Variants in SLC22A31 observed in about 807,000 individuals in gnomAD.
SLC22A31 encodes the protein solute carrier family 22 member 31.
A neutral mutation model predicts 27.4 loss-of-function variants in SLC22A31; 42 were observed. The observed-to-expected ratio is 1.53, with a 90% confidence interval of 1.20 to 1.98. The LOEUF (loss-of-function observed/expected upper bound fraction) is 1.98, where lower values mean the gene tolerates loss of function less well. Ranked by LOEUF, SLC22A31 falls within the 30% of genes most tolerant of loss-of-function variation. SLC22A31 has a pLI of 0.00. For synonymous variants in SLC22A31, 290 were observed against 230.8 expected, an observed-to-expected ratio of 1.26 and a Z score of -2.33; for missense variants, 593 against 479.9, an observed-to-expected ratio of 1.24 and a Z score of -2.20.
chr16:89,199,209 G>C lies in SLC22A31; in HGVS notation c.284-18C>G. The C allele has an allele frequency of 1.3e-6, 2 of 1,512,582 alleles. No homozygotes were observed. The highest frequency in any genetic ancestry group is 2.5e-5 in the East Asian group (1 of 40,660). The allele number at this position is 1,512,582 out of a possible 1,614,324, so 93.7% of individuals were successfully genotyped here. On this transcript the variant is annotated intron_variant, in intron 3 of 8. Coordinates refer to ENST00000682282, the MANE Select transcript of SLC22A31 (RefSeq NM_001384763.1). ...CTCCAGGCCTGGGCAGACACAGACA[G>C]GTTGAAGTGGAGGCCTCGGGGAGGA... is the stretch of plus-strand genomic sequence containing the variant.
At chr16:89,196,494 G>T in intron 8 of SLC22A31, 189 bp from the exon 9 acceptor site, 9 of 1,081,388 alleles carry the variant, frequency 8.3e-6, no homozygotes, top group Non-Finnish European at 1.2e-5. Flanking sequence ...GTTGGGGGCA[G>T]CTGGTGGGGC....
At position 89,196,004 on chromosome 16, in the gene SLC22A31, G is replaced by A. The variant is rs1406236373; in HGVS notation, c.1336C>T (p.His446Tyr). The A allele has an allele frequency of 9.3e-6, 14 of 1,503,760 alleles. No individual in the cohort carries two copies. The highest frequency in any genetic ancestry group is 1.2e-5 in the Non-Finnish European group (14 of 1,131,066). 93.2% of individuals were successfully genotyped at this position (1,503,760 alleles called of 1,614,324 possible). The change falls in exon 9 of 9, where the codon CAC (histidine) becomes TAC (tyrosine). Residue 446 changes from histidine to tyrosine, a missense_variant. By Grantham distance (83) the His-to-Tyr change is moderately conservative. Coordinates refer to ENST00000682282, the MANE Select transcript of SLC22A31 (RefSeq NM_001384763.1). Reference protein sequence around the residue: ...SYWAGHTPEQH With the variant: ...SYWAGHTPEQY ...CCCAGGGCCACCAGGCAGGACTAGTGCTGCTCGGGGGTGTGGCCGGCCCAG... is the reference window on the plus strand; with the variant it reads ...CCCAGGGCCACCAGGCAGGACTAGTACTGCTCGGGGGTGTGGCCGGCCCAG...
Position 89,198,563 on chromosome 16 carries a change from A to C in SLC22A31, c.599-13T>G, listed in dbSNP as rs1266200019. ...AGCATGGTCAGCTCTGTAGCCGCAGAGATGTGAGGGGAGGGGGGTGAGGAG... is the reference window on the plus strand; with the variant it reads ...AGCATGGTCAGCTCTGTAGCCGCAGCGATGTGAGGGGAGGGGGGTGAGGAG... On this transcript the variant is annotated splice_polypyrimidine_tract_variant and intron_variant, in intron 5 of 8. Coordinates refer to ENST00000682282, the MANE Select transcript of SLC22A31 (RefSeq NM_001384763.1). 6.6e-7 allele frequency: 1 copy of C among 1,509,600 alleles called. No individual in the cohort carries two copies. The highest frequency in any genetic ancestry group is 1.4e-5 in the African/African-American group (1 of 72,520). The allele number at this position is 1,509,600 out of a possible 1,614,324, so 93.5% of individuals were successfully genotyped here.
intron 8 of SLC22A31, 150 bp from the exon 9 acceptor site, chr16:89,196,455 C>T (rs1412235640): frequency 8.0e-7 from 1 of 1,246,096 alleles, no homozygotes; most frequent in African/African-American, 1.5e-5. Context: ...GCACCAGGCC[C>T]AGGCCGGCCC....
intron 1 of SLC22A31, chr16:89,200,064 C>G: frequency 2.7e-6 from 1 of 368,510 alleles, no homozygotes; most frequent in Non-Finnish European, 4.8e-6. Context: ...TCTGCTTGTC[C>G]CTAGATAGGG....
intron 8 of SLC22A31, among the ~76,000 whole-genome samples, chr16:89,196,653 A>G (rs1198429132): frequency 6.6e-6 from 1 of 152,200 alleles, no homozygotes; most frequent in Non-Finnish European, 1.5e-5. Flanking sequence ...TGCTCTGTTC[A>G]AGACTGGAAA....
At position 89,195,907 on chromosome 16, in the gene SLC22A31, G is replaced by A. The variant is rs1423275880; in HGVS notation, c.*92C>T. The A allele has an allele frequency of 9.7e-6, 13 of 1,337,852 alleles. No individual in the cohort carries two copies. The South Asian group carries it at 1.8e-4, about 19-fold the overall frequency. 82.9% of individuals were successfully genotyped at this position (1,337,852 alleles called of 1,614,324 possible). A position where few individuals can be genotyped will look rare whatever the true frequency, so the allele number is the denominator to read the frequency against. On this transcript the variant is annotated 3_prime_UTR_variant, in exon 9 of 9. Coordinates refer to ENST00000682282, the MANE Select transcript of SLC22A31 (RefSeq NM_001384763.1). ...TGAGACACGGGCTTCTGAGAGGAAT[G>A]TGTCTGCCCTGGACCAGACGTCTGG...
rs752444270 is a variant in SLC22A31 at position 89,196,184 on chromosome 16, C to T, written c.1156G>A (p.Val386Ile). The change falls in exon 9 of 9, where the codon GTC becomes ATC. Residue 386 changes from valine to isoleucine, a missense_variant. Val to Ile is a conservative substitution (Grantham distance 29). Transcript: ENST00000682282. ...LQQVVFASLA[V>I]LALLCVLLLP... ...AGCAGGACACACAGCAGGGCAAGGA[C>T]AGCAAGGGAGGCGAAGACGACTTGT... 6.5e-7 allele frequency: 1 copy of T among 1,535,182 alleles called. No homozygotes were observed. Among genetic ancestry groups the T allele is most frequent in the South Asian group, 1.2e-5 (1 of 84,062 alleles).
chr16:89,197,267 T>G, intron 8 of SLC22A31, 31 bp downstream of exon 8: 1 of 1,513,114 alleles, frequency 6.6e-7, no homozygotes, highest in Non-Finnish European at 8.9e-7. Flanking sequence ...CCCTGGACCC[T>G]GCTGTGTGGC....
chr16:89,198,843 G>A (rs1916257612), intron 4 of SLC22A31, 46 bp from the exon 5 acceptor site: 3 of 1,509,696 alleles, frequency 2.0e-6, no homozygotes, highest in Non-Finnish European at 2.7e-6. Flanking sequence ...ACCTCCTCCT[G>A]GAAGGAGAGG....
At chr16:89,198,922 T>C in intron 4 of SLC22A31, 101 bp downstream of exon 4, 3 of 1,490,432 alleles carry the variant, frequency 2.0e-6, no homozygotes, top group Non-Finnish European at 2.7e-6. Flanking sequence ...TCTGTGACCC[T>C]GTAACCCATG....
Position 89,195,889 on chromosome 16 carries a change from C to G in SLC22A31, c.*110G>C. 1 of 1,270,192 alleles carries G rather than the reference C, an allele frequency of 7.9e-7. No homozygotes were observed. The highest frequency in any genetic ancestry group is 1.0e-6 in the Non-Finnish European group (1 of 954,486). 78.7% of individuals were successfully genotyped at this position (1,270,192 alleles called of 1,614,324 possible). ...CCACGGCTCCACCTGCACTGAGACA[C>G]GGGCTTCTGAGAGGAATGTGTCTGC... is the stretch of plus-strand genomic sequence containing the variant. On this transcript the variant is annotated 3_prime_UTR_variant, in exon 9 of 9. Coordinates refer to ENST00000682282, the MANE Select transcript of SLC22A31 (RefSeq NM_001384763.1).
chr16:89,196,680 G>A (rs1022404472), intron 8 of SLC22A31, among the ~76,000 whole-genome samples: 2 of 152,234 alleles, frequency 1.3e-5, no homozygotes, highest in Admixed American at 6.5e-5. Context: ...GGGCACAGTG[G>A]CTCATGCCTG....
chr16:89,198,594 C>T (rs898425508), intron 5 of SLC22A31, 44 bp from the exon 6 acceptor site: 150 of 1,520,622 alleles, frequency 9.9e-5, no homozygotes, highest in Non-Finnish European at 1.3e-4. Flanking sequence ...AGGAGCTGTG[C>T]CTCTCCGAAG....
chr16:89,197,982 G>C, intron 7 of SLC22A31, 140 bp downstream of exon 7: 1 of 919,326 alleles, frequency 1.1e-6, no homozygotes, highest in Admixed American at 2.7e-5. Flanking sequence ...CTTCCACAAG[G>C]ATCAGAGGAA....
upstream of SLC22A31, chr16:89,201,423 C>T (rs1307836690): frequency 1.8e-5 from 7 of 380,904 alleles, no homozygotes; most frequent in Non-Finnish European, 9.3e-6. Flanking sequence ...GCTCGCGGCT[C>T]GCGTGGGCCC....
chr16:89,198,605 C>T (rs905545477), intron 5 of SLC22A31, 47 bp downstream of exon 5: 1 of 1,524,782 alleles, frequency 6.6e-7, no homozygotes, highest in African/African-American at 1.4e-5. Context: ...CTCTCCGAAG[C>T]CCTCCTCCAG....
Position 89,198,691 on chromosome 16 carries a change from GGCCC to G in SLC22A31, c.555_558del (p.Gly186ProfsTer15). ...TTCTCCTCCAAGGAACTGTCCCCGG[GGCCC>G]ACGCCACTGGCTTCTGCAAAGCGCC... On this transcript the variant is annotated frameshift_variant, in exon 5 of 9. Coordinates refer to ENST00000682282, the MANE Select transcript of SLC22A31 (RefSeq NM_001384763.1). LOFTEE classifies it high-confidence loss of function. 1 of 1,535,770 alleles carries G rather than the reference GGCCC, an allele frequency of 6.5e-7. No homozygotes were observed. The highest frequency in any genetic ancestry group is 8.7e-7 in the Non-Finnish European group (1 of 1,146,802).
At chr16:89,197,538 C>A (rs1040696948) in intron 7 of SLC22A31, 129 bp from the exon 8 acceptor site, 6 of 631,974 alleles carry the variant, frequency 9.5e-6, no homozygotes, top group Middle Eastern at 2.6e-4. Flanking sequence ...TTCCAGCCCC[C>A]CTGAGAAACC....
Sources: allele counts gnomAD v4.1 joint callset (sites outside exome capture counted in the v4.1 genomes callset), GRCh38; gene constraint gnomAD v4.1.1; transcripts MANE v1.5; gene names NCBI Gene and HGNC (gene_info 2026-07-23, HGNC 2026-07-21).